PPP1R16B: variants seen among roughly 807,000 people sequenced by gnomAD.
PPP1R16B encodes the protein protein phosphatase 1 regulatory inhibitor subunit 16B.
Under a neutral mutation model 61.7 loss-of-function variants are expected in PPP1R16B, and 14 were observed. The ratio of observed to expected loss-of-function variants is 0.23; its 90% CI spans 0.15 to 0.35. The LOEUF (loss-of-function observed/expected upper bound fraction) is 0.35. PPP1R16B is among the 10% of genes least tolerant of loss of function. The pLI is 1.00. For synonymous variants in PPP1R16B, 266 were observed against 305.3 expected (o/e 0.87, Z 1.34); for missense variants, 547 against 752.5 (o/e 0.73, Z 3.19).
At position 38,895,550 on chromosome 20, in the gene PPP1R16B, G is replaced by A; in HGVS notation, c.322-15G>A. On this transcript the variant is annotated splice_polypyrimidine_tract_variant and intron_variant, in intron 3 of 10. Transcript: ENST00000299824. ...GCCCTGCCTGGAGCTGACTCTGCCT[G>A]TGTGTCTCTCCCAGTGCTGCATCGA... 1 of 1,612,918 alleles carries A rather than the reference G, an allele frequency of 6.2e-7. No individual in the cohort carries two copies. Among genetic ancestry groups the A allele is most frequent in the South Asian group, 1.1e-5 (1 of 90,998 alleles).
At chr20:38,834,538 AAAGGT>A (rs1490280665) in intron 1 of PPP1R16B, among the ~76,000 whole-genome samples, 22 of 152,090 alleles carry the variant, frequency 1.4e-4, no homozygotes, top group Non-Finnish European at 1.5e-4. Flanking sequence ...ATTTTTTTTT[AAAGGT>A]CATCCAAAGA....
chr20:38,877,523 G>A (rs2085176151), intron 2 of PPP1R16B, among the ~76,000 whole-genome samples: 2 of 152,016 alleles, frequency 1.3e-5, no homozygotes, highest in African/African-American at 4.8e-5. Flanking sequence ...TGTTGGCCAG[G>A]CTGATCTCGA....
chr20:38,888,876 AACAC>A (rs1181903301), intron 2 of PPP1R16B, among the ~76,000 whole-genome samples: 15,137 of 112,040 alleles, frequency 0.14, 959 homozygotes, highest in South Asian at 0.19. Flanking sequence ...AGAATCCCTG[AACAC>A]ACACACACAC....
At chr20:38,891,119 A>G (rs1334273716) in intron 3 of PPP1R16B, among the ~76,000 whole-genome samples, 1 of 152,132 alleles carries the variant, frequency 6.6e-6, no homozygotes, top group Non-Finnish European at 1.5e-5. Context: ...CCAATTCCCA[A>G]GGCTGGGCTG....
chr20:38,893,860 T>TC (rs1243100210), intron 3 of PPP1R16B, among the ~76,000 whole-genome samples: 1 of 151,932 alleles, frequency 6.6e-6, no homozygotes, highest in East Asian at 1.9e-4. Flanking sequence ...TTTCCTGCGG[T>TC]CTCTAGGGGT....
intron 1 of PPP1R16B, among the ~76,000 whole-genome samples, chr20:38,821,094 T>C (rs564654184): frequency 5.9e-5 from 9 of 152,032 alleles, no homozygotes; most frequent in Admixed American, 5.2e-4. Flanking sequence ...GTGGTCTTTC[T>C]CTGTGATCGT....
rs757297820 is a variant in PPP1R16B at position 38,835,874 on chromosome 20, C to A, written c.-52C>A. On this transcript the variant is annotated 5_prime_UTR_variant, in exon 2 of 11. Transcript: ENST00000299824. ...ACCAGAGGCCCCGCGCTGCCCTGGC[C>A]CCCGGTGCACCGTGCTAGCCCCCAG... The A allele has an allele frequency of 4.7e-4, 696 of 1,477,288 alleles. No individual in the cohort carries two copies. Among genetic ancestry groups the A allele is most frequent in the Admixed American group, 6.2e-4 (27 of 43,634 alleles). 91.5% of individuals were successfully genotyped at this position (1,477,288 alleles called of 1,614,324 possible).
intron 2 of PPP1R16B, among the ~76,000 whole-genome samples, chr20:38,868,881 A>C (rs1261525270): frequency 6.6e-6 from 1 of 152,234 alleles, no homozygotes; most frequent in African/African-American, 2.4e-5. Flanking sequence ...TATTTTGGAC[A>C]TATGGATTAG....
chr20:38,830,357 A>G (rs1358359152), intron 1 of PPP1R16B, among the ~76,000 whole-genome samples: 1 of 152,260 alleles, frequency 6.6e-6, no homozygotes, highest in African/African-American at 2.4e-5. Context: ...TATTGCCACG[A>G]AGATCAATGG....
At chr20:38,893,379 C>T (rs571565470) in intron 3 of PPP1R16B, among the ~76,000 whole-genome samples, 62 of 152,184 alleles carry the variant, frequency 4.1e-4, no homozygotes, top group Non-Finnish European at 6.5e-4. Flanking sequence ...CAACAGGGAG[C>T]CCTCAGAGGT....
At chr20:38,851,727 T>C (rs955761672) in intron 2 of PPP1R16B, among the ~76,000 whole-genome samples, 11 of 150,662 alleles carry the variant, frequency 7.3e-5, no homozygotes, top group African/African-American at 2.7e-4. Flanking sequence ...GGTGTTATTA[T>C]AAAGAAGGCC....
chr20:38,829,745 C>T (rs1359166896), intron 1 of PPP1R16B, among the ~76,000 whole-genome samples: 1 of 152,212 alleles, frequency 6.6e-6, no homozygotes, highest in Non-Finnish European at 1.5e-5. Context: ...GGCCACCCCG[C>T]TGCTGTGTTT....
chr20:38,864,678 A>T (rs2085078091), intron 2 of PPP1R16B, among the ~76,000 whole-genome samples: 2 of 152,188 alleles, frequency 1.3e-5, no homozygotes, highest in South Asian at 4.1e-4. Flanking sequence ...AGGGAGTCAC[A>T]GGACCTCATT....
intron 3 of PPP1R16B, among the ~76,000 whole-genome samples, chr20:38,890,436 T>C (rs2085283885): frequency 6.6e-6 from 1 of 152,204 alleles, no homozygotes. Context: ...CTCAGGTCCT[T>C]GTACCCAGTG....
At chr20:38,874,619 G>A (rs554714002) in intron 2 of PPP1R16B, among the ~76,000 whole-genome samples, 1 of 152,302 alleles carries the variant, frequency 6.6e-6, no homozygotes, top group East Asian at 1.9e-4. Context: ...GAAGTGGTTG[G>A]AGCAAAGGTC....
chr20:38,877,161 C>T (rs1429476091), intron 2 of PPP1R16B, among the ~76,000 whole-genome samples: 1 of 152,130 alleles, frequency 6.6e-6, no homozygotes, highest in Non-Finnish European at 1.5e-5. Flanking sequence ...GGGTTGCTTC[C>T]AGGATTTCTC....
chr20:38,858,680 G>A (rs904428454), intron 2 of PPP1R16B, among the ~76,000 whole-genome samples: 2 of 152,214 alleles, frequency 1.3e-5, no homozygotes, highest in Non-Finnish European at 2.9e-5. Context: ...AGGGCAGTGG[G>A]CTTGTTTACC....
At chr20:38,809,577 C>A (rs2084684943) in intron 1 of PPP1R16B, among the ~76,000 whole-genome samples, 1 of 152,112 alleles carries the variant, frequency 6.6e-6, no homozygotes, top group Non-Finnish European at 1.5e-5. Flanking sequence ...AATCTTGAAG[C>A]TGCCACCTTG....
chr20:38,901,895 C>T (rs951924733), intron 5 of PPP1R16B, among the ~76,000 whole-genome samples: 1 of 152,184 alleles, frequency 6.6e-6, no homozygotes, highest in African/African-American at 2.4e-5. Flanking sequence ...ACAGGCACTG[C>T]TAACACTACT....
Sources: allele counts gnomAD v4.1 joint callset (sites outside exome capture counted in the v4.1 genomes callset), GRCh38; gene constraint gnomAD v4.1.1; transcripts MANE v1.5; gene names NCBI Gene and HGNC (gene_info 2026-07-23, HGNC 2026-07-21).